Variants in SPIDR observed in about 807,000 individuals in gnomAD.
SPIDR encodes the protein DNA repair-scaffolding protein.
Under a neutral mutation model 104.6 loss-of-function variants are expected in SPIDR, and 93 were observed. The observed-to-expected ratio is 0.89, with a 90% CI of 0.75 to 1.06. The LOEUF (loss-of-function observed/expected upper bound fraction) is 1.06, where lower values mean the gene tolerates loss of function less well. SPIDR is among the 50% of genes least tolerant of loss of function. SPIDR has a pLI of 0.00. For missense variants in SPIDR, 1,154 were observed against 1,111.2 expected (o/e 1.04, Z -0.55); for synonymous variants, 431 against 416.9 (o/e 1.03, Z -0.41).
rs1188931155 is a variant in SPIDR, at chr8:47,526,989, C to A, written c.1098-68822C>A. On this transcript the variant is annotated intron_variant, in intron 8 of 19. Transcript: ENST00000297423. The stretch of plus-strand genomic sequence containing the variant: ...CAGCCTAAGAAAACTTCAATTAATT[C>A]ACACATTGCCAGAGGCTCGGTGTGG... 2.6e-5 allele frequency among the ~76,000 whole-genome samples: 4 copies of A among 152,258 alleles called. No individual in the cohort carries two copies. The South Asian group carries it at 8.3e-4, about 32-fold the overall frequency.
rs370145227 is a variant in SPIDR at position 47,701,807 on chromosome 8, C to A, written c.1860C>A (p.Asp620Glu). 1.2e-6 allele frequency: 2 copies of A among 1,614,112 alleles called. No individual in the cohort carries two copies. The highest frequency in any genetic ancestry group is 1.7e-6 in the Non-Finnish European group (2 of 1,180,010). The change falls in exon 13 of 20, where the codon GAC (aspartate) becomes GAA (glutamate). Residue 620 changes from aspartate (D) to glutamate (E), a missense_variant. Coordinates refer to ENST00000297423, the MANE Select transcript of SPIDR (RefSeq NM_001080394.4). ...NLGQIDIIDE[D>E]PIYKLYQPPV... ...GACAAATTGATATAATTGACGAAGA[C>A]CCCATTTATAAGCTTTACCAGCCTC...
At chr8:47,371,827 C>T (rs2058071084) in intron 5 of SPIDR, among the ~76,000 whole-genome samples, 1 of 152,144 alleles carries the variant, frequency 6.6e-6, no homozygotes, top group African/African-American at 2.4e-5. Flanking sequence ...CCAGGTAAGA[C>T]AGAAATCTTC....
intron 10 of SPIDR, among the ~76,000 whole-genome samples, chr8:47,655,196 T>C (rs1012225981): frequency 2.0e-5 from 3 of 152,212 alleles, no homozygotes; most frequent in African/African-American, 7.2e-5. Flanking sequence ...TACATGTGCA[T>C]GTGTCTTTAT....
chr8:47,499,912 G>A lies in SPIDR; in HGVS notation c.1097+59370G>A, dbSNP rs541734062. Among the ~76,000 whole-genome samples, 406 of 152,042 alleles carry A rather than the reference G, an allele frequency of 2.7e-3. 1 individual carries two copies. Among genetic ancestry groups the A allele is most frequent in the Admixed American group, 6.6e-3 (101 of 15,256 alleles). On this transcript the variant is annotated intron_variant, in intron 8 of 19. Transcript: ENST00000297423. The stretch of plus-strand genomic sequence containing the variant: ...GCAGTGTTTGGTTTTTTGTCCTTGC[G>A]ATAGTTTGCTGAGATTGATGGTTTC...
chr8:47,276,846 A>G (rs1165651795), intron 1 of SPIDR: 1 of 150,806 alleles, frequency 6.6e-6, no homozygotes, highest in Non-Finnish European at 1.5e-5. Flanking sequence ...CATGATCAGC[A>G]CCCTCTTCTT....
chr8:47,490,382 A>G lies in SPIDR; in HGVS notation c.1097+49840A>G, dbSNP rs570752902. Among the ~76,000 whole-genome samples the G allele has an allele frequency of 2.0e-5, 3 of 152,332 alleles. No homozygotes were observed. In the East Asian group the frequency reaches 5.8e-4, roughly 29 times the overall value. On this transcript the variant is annotated intron_variant, in intron 8 of 19. Transcript: ENST00000297423. ...GGAGAGGATGTGGAGAAACAGGAAC[A>G]CTTTTACAGTGTTGGTGGGACTAAA...
chr8:47,355,357 A>G (rs1189741396), intron 5 of SPIDR, among the ~76,000 whole-genome samples: 3 of 143,702 alleles, frequency 2.1e-5, no homozygotes, highest in Non-Finnish European at 1.5e-5. Flanking sequence ...GGTAATTAGC[A>G]TTTTTGTGAT....
chr8:47,686,996 A>T (rs1352900597), intron 11 of SPIDR, among the ~76,000 whole-genome samples: 1 of 151,980 alleles, frequency 6.6e-6, no homozygotes, highest in Non-Finnish European at 1.5e-5. Context: ...ATTAGCTTTT[A>T]AAAAAGGTTA....
chr8:47,274,963 G>A (rs1316856833), intron 1 of SPIDR, among the ~76,000 whole-genome samples: 1 of 149,114 alleles, frequency 6.7e-6, no homozygotes, highest in African/African-American at 2.5e-5. Context: ...GACTACAATA[G>A]AAAATACCCC....
intron 10 of SPIDR, among the ~76,000 whole-genome samples, chr8:47,640,606 G>A (rs1449434386): frequency 6.6e-6 from 1 of 152,028 alleles, no homozygotes; most frequent in Non-Finnish European, 1.5e-5. Flanking sequence ...GTATTACTTG[G>A]TAGTAAGTAT....
At chr8:47,363,606 C>T (rs782192691) in intron 5 of SPIDR, among the ~76,000 whole-genome samples, 25 of 151,920 alleles carry the variant, frequency 1.6e-4, no homozygotes, top group Non-Finnish European at 3.2e-4. Context: ...GGGGAGGAAG[C>T]TTGTTGGATA....
chr8:47,565,971 C>CATATAT (rs1170408396), intron 8 of SPIDR, among the ~76,000 whole-genome samples: 35 of 41,454 alleles, frequency 8.4e-4, no homozygotes, highest in Middle Eastern at 0.022. Context: ...TATTTATACT[C>CATATAT]ATATATATAT....
At chr8:47,266,779 A>G (rs551445978) in intron 1 of SPIDR, among the ~76,000 whole-genome samples, 3 of 152,332 alleles carry the variant, frequency 2.0e-5, no homozygotes, top group South Asian at 4.1e-4. Context: ...ACCCTTTTAA[A>G]GTGGAAAATC....
chr8:47,724,023 C>A (rs895017987), intron 16 of SPIDR, among the ~76,000 whole-genome samples: 1 of 151,860 alleles, frequency 6.6e-6, no homozygotes, highest in Non-Finnish European at 1.5e-5. Flanking sequence ...TTTTATTTTA[C>A]CTTCATTTAT....
chr8:47,468,403 C>G (rs1479768650), intron 8 of SPIDR, among the ~76,000 whole-genome samples: 1 of 152,132 alleles, frequency 6.6e-6, no homozygotes, highest in Non-Finnish European at 1.5e-5. Context: ...CAAGGCAGTC[C>G]TGAGCAAAAA....
At chr8:47,537,624 T>C (rs577967977) in intron 8 of SPIDR, among the ~76,000 whole-genome samples, 1 of 152,254 alleles carries the variant, frequency 6.6e-6, no homozygotes, top group East Asian at 1.9e-4. Context: ...ACTGTAATGG[T>C]GGACACGTGT....
chr8:47,500,387 T>C, intron 8 of SPIDR, among the ~76,000 whole-genome samples: 1 of 152,392 alleles, frequency 6.6e-6, no homozygotes, highest in South Asian at 2.1e-4. Flanking sequence ...ATTTCTCTGA[T>C]GGCCAGTGAT....
intron 7 of SPIDR, among the ~76,000 whole-genome samples, chr8:47,419,815 T>G (rs538202285): frequency 3.7e-4 from 57 of 152,050 alleles, no homozygotes; most frequent in African/African-American, 1.4e-3. Flanking sequence ...TCCGGTATGT[T>G]GCGTCTTTGT....
intron 10 of SPIDR, among the ~76,000 whole-genome samples, chr8:47,668,866 T>C (rs1384536586): frequency 6.6e-6 from 1 of 151,956 alleles, no homozygotes; most frequent in Non-Finnish European, 1.5e-5. Flanking sequence ...CCATAGACAG[T>C]CTAGGCGTAG....
Sources: allele counts gnomAD v4.1 joint callset (sites outside exome capture counted in the v4.1 genomes callset), GRCh38; gene constraint gnomAD v4.1.1; transcripts MANE v1.5; gene names NCBI Gene and HGNC (gene_info 2026-07-23, HGNC 2026-07-21).